Variants in GNB1 observed in about 807,000 individuals in gnomAD.
The protein encoded by GNB1 is G protein subunit beta 1.
Under a neutral mutation model 42.9 loss-of-function variants are expected in GNB1, and 2 were observed. That is an observed-to-expected ratio of 0.05 (90% CI 0.02 to 0.15). The LOEUF (loss-of-function observed/expected upper bound fraction) is 0.15, where lower values mean the gene tolerates loss of function less well. Among genes scored for constraint, GNB1 ranks in the 10% least tolerant of loss-of-function variants. GNB1 has a pLI of 1.00. For synonymous variants in GNB1, 183 were observed against 174.7 expected (o/e 1.05, Z -0.38); for missense variants, 193 against 462.2 (o/e 0.42, Z 5.34).
At chr1:1,789,320 A>T (rs1395806727) in intron 9 of GNB1, 51 bp from the exon 10 acceptor site, 1 of 1,017,480 alleles carries the variant, frequency 9.8e-7, no homozygotes, top group South Asian at 1.3e-5. Context: ...AGAAAGAAAC[A>T]TTGGGAATAT....
chr1:1,837,862 G>C (rs1485430448), intron 2 of GNB1, among the ~76,000 whole-genome samples: 1 of 151,764 alleles, frequency 6.6e-6, no homozygotes, highest in Non-Finnish European at 1.5e-5. Context: ...TGCCTGGCCT[G>C]AGTTAATTTC....
At chr1:1,803,298 C>T (rs1009605086) in intron 7 of GNB1, among the ~76,000 whole-genome samples, 5 of 152,216 alleles carry the variant, frequency 3.3e-5, no homozygotes, top group African/African-American at 1.2e-4. Context: ...CCACAGGGCT[C>T]TATTATGCCT....
In GNB1 at chr1:1,786,039, C is replaced by T. The variant is rs1327746736; in HGVS notation, c.*1024G>A. 3 of 398,550 alleles carry T rather than the reference C, an allele frequency of 7.5e-6. No homozygotes were observed. The highest frequency in any genetic ancestry group is 1.3e-5 in the Non-Finnish European group (3 of 226,058). The allele number at this position is 398,550 out of a possible 1,614,324, so 24.7% of individuals were successfully genotyped here. The stretch of plus-strand genomic sequence containing the variant: ...GCATGCGATTCTAAGAGTAAACCCA[C>T]CCAATATGGCAAACAATCAAAATTT... On this transcript the variant is annotated 3_prime_UTR_variant, in exon 12 of 12. Transcript: ENST00000378609.
At chr1:1,835,993 G>A (rs1647143753) in intron 2 of GNB1, among the ~76,000 whole-genome samples, 1 of 150,706 alleles carries the variant, frequency 6.6e-6, no homozygotes, top group African/African-American at 2.4e-5. Flanking sequence ...AGGAAGCTGA[G>A]GCCAGAGGAT....
intron 2 of GNB1, among the ~76,000 whole-genome samples, chr1:1,836,239 A>G (rs2101119605): frequency 6.6e-6 from 1 of 152,096 alleles, no homozygotes; most frequent in Non-Finnish European, 1.5e-5. Context: ...CAGCCATTCT[A>G]ATGGGGGCGT....
In GNB1 at chr1:1,790,590, C is replaced by A; in HGVS notation, c.504G>T (p.Leu168=). ...TCTGCTGGCCGGTCTCGATGTCCCACAGGGCACTGGAGCAGGAGCGAATGA... is the reference window on the plus strand; with the variant it reads ...TCTGCTGGCCGGTCTCGATGTCCCAAAGGGCACTGGAGCAGGAGCGAATGA... ...VTSSGDTTCA[L]WDIETGQQTT... Residue 168 remains leucine (L), a synonymous_variant, in exon 9 of 12, where the codon CTG becomes CTT. Transcript: ENST00000378609. The surrounding 1 kb of genome is among the most constrained non-coding windows in gnomAD (Gnocchi z 5.4). 1 of 1,611,732 alleles carries A rather than the reference C, an allele frequency of 6.2e-7. No homozygotes were observed. The highest frequency in any genetic ancestry group is 1.1e-5 in the South Asian group (1 of 91,002).
chr1:1,855,698 C>T (rs1240252300), intron 1 of GNB1, among the ~76,000 whole-genome samples: 2 of 150,308 alleles, frequency 1.3e-5, no homozygotes, highest in Non-Finnish European at 3.0e-5. Flanking sequence ...AGCGAGACTC[C>T]GTCTCAAAAA....
chr1:1,839,915 G>A (rs187444950), intron 1 of GNB1, among the ~76,000 whole-genome samples: 5 of 152,190 alleles, frequency 3.3e-5, no homozygotes, highest in African/African-American at 1.2e-4. Flanking sequence ...AACACTTTGG[G>A]AGGCTGAGGT....
chr1:1,834,916 C>T (rs902708853), intron 2 of GNB1, among the ~76,000 whole-genome samples: 1 of 152,070 alleles, frequency 6.6e-6, no homozygotes, highest in Non-Finnish European at 1.5e-5. Context: ...GATCCGCCCA[C>T]CTCAGCCTCC....
intron 1 of GNB1, among the ~76,000 whole-genome samples, chr1:1,869,889 A>G (rs1253300183): frequency 6.6e-6 from 1 of 151,976 alleles, no homozygotes; most frequent in Non-Finnish European, 1.5e-5. Context: ...TTGAGACAAC[A>G]TCTCACTCCA....
intron 1 of GNB1, among the ~76,000 whole-genome samples, chr1:1,881,055 A>T (rs1414513290): frequency 6.6e-6 from 1 of 152,160 alleles, no homozygotes; most frequent in African/African-American, 2.4e-5. Flanking sequence ...TTTTCCAAGG[A>T]CAGGGAGGAG....
chr1:1,837,746 G>A (rs980727425), intron 2 of GNB1, among the ~76,000 whole-genome samples: 1 of 148,228 alleles, frequency 6.7e-6, no homozygotes, highest in African/African-American at 2.5e-5. Flanking sequence ...TTGTATTTTC[G>A]TAGAGACGGG....
intron 1 of GNB1, among the ~76,000 whole-genome samples, chr1:1,874,088 T>C (rs1329146005): frequency 1.3e-5 from 2 of 152,224 alleles, no homozygotes; most frequent in African/African-American, 4.8e-5. Flanking sequence ...GAACAAATGC[T>C]GGCAGCAGCC....
intron 5 of GNB1, among the ~76,000 whole-genome samples, chr1:1,808,642 T>G (rs955670865): frequency 6.3e-4 from 95 of 151,378 alleles, no homozygotes; most frequent in Non-Finnish European, 1.1e-3. Context: ...GTTTGTTTGT[T>G]TTTGTTTGTT....
intron 1 of GNB1, among the ~76,000 whole-genome samples, chr1:1,859,157 G>A (rs1297248956): frequency 6.6e-6 from 1 of 151,790 alleles, no homozygotes; most frequent in African/African-American, 2.4e-5. Flanking sequence ...AAGTAGCCAG[G>A]ATTAGAGGCA....
intron 1 of GNB1, among the ~76,000 whole-genome samples, chr1:1,863,776 T>A (rs1648761870): frequency 6.6e-6 from 1 of 152,210 alleles, no homozygotes; most frequent in African/African-American, 2.4e-5. Context: ...TCAGAAAACC[T>A]ACCTATGCTT....
At chr1:1,847,914 C>A (rs543126002) in intron 1 of GNB1, among the ~76,000 whole-genome samples, 1 of 152,228 alleles carries the variant, frequency 6.6e-6, no homozygotes, top group South Asian at 2.1e-4. Context: ...TGGTGCCAAA[C>A]GATGAGAAAG....
At chr1:1,887,251 T>A (rs1270066690) in intron 1 of GNB1, among the ~76,000 whole-genome samples, 1 of 152,190 alleles carries the variant, frequency 6.6e-6, no homozygotes, top group Admixed American at 6.6e-5. Context: ...AAAACTATAA[T>A]AAATGCCAAC....
chr1:1,821,118 C>G (rs1394268440), intron 3 of GNB1, among the ~76,000 whole-genome samples: 1 of 152,204 alleles, frequency 6.6e-6, no homozygotes, highest in Non-Finnish European at 1.5e-5. Context: ...CACAGTAACA[C>G]ACTTACTTTG....
Sources: gnomAD v4.1 joint callset for allele counts (sites outside exome capture counted in the v4.1 genomes callset) on GRCh38, gnomAD v4.1.1 for gene constraint, Gnocchi (gnomAD v3.1) non-coding constraint, MANE v1.5 for transcripts, NCBI Gene and HGNC (gene_info 2026-07-23, HGNC 2026-07-21) for gene names.